The following RBM26 variants were observed in gnomAD, a reference collection of about 807,000 sequenced individuals.
RBM26 encodes RNA binding motif protein 26.
In RBM26, 30 loss-of-function variants were observed where a neutral mutation model predicts 123.6. The ratio of observed to expected loss-of-function variants is 0.24; its 90% CI spans 0.18 to 0.33. The LOEUF is 0.33. Among genes scored for constraint, RBM26 ranks in the 10% least tolerant of loss-of-function variants. RBM26 has a pLI of 1.00. For synonymous variants in RBM26, 400 were observed against 404.4 expected, an observed-to-expected ratio of 0.99 and a Z score of 0.13; for missense variants, 947 against 1,203.6, an observed-to-expected ratio of 0.79 and a Z score of 3.15.
intron 9 of RBM26, among the ~76,000 whole-genome samples, chr13:79,360,793 T>C (rs1286079519): frequency 6.6e-6 from 1 of 152,188 alleles, no homozygotes; most frequent in Non-Finnish European, 1.5e-5. Flanking sequence ...TTTACTTACA[T>C]GGCATGTAAT....
At chr13:79,328,683 T>TGA (rs774284573) in intron 20 of RBM26, among the ~76,000 whole-genome samples, 1 of 38,480 alleles carries the variant, frequency 2.6e-5, no homozygotes, top group Non-Finnish European at 4.9e-5. Flanking sequence ...CTGCATTAAG[T>TGA]AAAAAAAAAA....
intron 1 of RBM26, among the ~76,000 whole-genome samples, chr13:79,382,056 A>T (rs2077107047): frequency 6.6e-6 from 1 of 152,146 alleles, no homozygotes; most frequent in African/African-American, 2.4e-5. Flanking sequence ...AATATGGACC[A>T]CAGAAATTTA....
chr13:79,342,559 G>T, intron 17 of RBM26, 105 bp downstream of exon 17: 2 of 903,250 alleles, frequency 2.2e-6, no homozygotes, highest in Non-Finnish European at 3.5e-6. Flanking sequence ...ACAATGGTCA[G>T]ATTTTGAACA....
At chr13:79,370,328 T>G (rs1242064159) in intron 5 of RBM26, among the ~76,000 whole-genome samples, 2 of 152,020 alleles carry the variant, frequency 1.3e-5, no homozygotes, top group African/African-American at 4.8e-5. Flanking sequence ...AAACAAAGAT[T>G]AAGAAAAAAA....
At chr13:79,341,316 A>C in intron 17 of RBM26, 89 bp from the exon 18 acceptor site, 1 of 719,142 alleles carries the variant, frequency 1.4e-6, no homozygotes, top group Non-Finnish European at 2.2e-6. Context: ...ACGCAGTCCC[A>C]TTTAATCCAT....
intron 21 of RBM26, among the ~76,000 whole-genome samples, chr13:79,320,992 T>C (rs1447854182): frequency 6.6e-6 from 1 of 151,288 alleles, no homozygotes; most frequent in Non-Finnish European, 1.5e-5. Flanking sequence ...TACGCCATCT[T>C]CTGTACCTTT....
chr13:79,335,174 AG>A (rs1180156996), intron 19 of RBM26, among the ~76,000 whole-genome samples: 1 of 152,098 alleles, frequency 6.6e-6, no homozygotes, highest in Non-Finnish European at 1.5e-5. Flanking sequence ...TAATCTCATT[AG>A]CTCCACACAT....
At chr13:79,344,621 A>C in intron 15 of RBM26, 48 bp downstream of exon 15, 6 of 1,541,252 alleles carry the variant, frequency 3.9e-6, no homozygotes, top group Non-Finnish European at 5.3e-6. Context: ...ACACAAGGAA[A>C]GCTTTCCTAT....
intron 1 of RBM26, among the ~76,000 whole-genome samples, chr13:79,383,359 T>A (rs543069334): frequency 1.3e-5 from 2 of 152,320 alleles, no homozygotes; most frequent in African/African-American, 2.4e-5. Flanking sequence ...AAGCATTTTT[T>A]AAAAATTACA....
At chr13:79,356,647 A>AT (rs1360656931) in intron 11 of RBM26, among the ~76,000 whole-genome samples, 1 of 152,144 alleles carries the variant, frequency 6.6e-6, no homozygotes, top group African/African-American at 2.4e-5. Flanking sequence ...ATAATTATAC[A>AT]TTTTTTAAGA....
chr13:79,380,940 C>T lies in RBM26; in HGVS notation c.72-2033G>A, dbSNP rs576999046. Among the ~76,000 whole-genome samples, 14 of 152,130 alleles carry T rather than the reference C, an allele frequency of 9.2e-5. No individual in the cohort carries two copies. The East Asian group carries it at 2.7e-3, about 29-fold the overall frequency. ...GGACGGGAAATTTTTGATGTCTGAA[C>T]TATTTTCATCCAATTCAAAAGAATG... is the stretch of plus-strand genomic sequence containing the variant. On this transcript the variant is annotated intron_variant, in intron 1 of 21. Transcript: ENST00000438737.
chr13:79,397,107 G>A (rs2078636342), intron 1 of RBM26, among the ~76,000 whole-genome samples: 1 of 152,190 alleles, frequency 6.6e-6, no homozygotes, highest in East Asian at 1.9e-4. Flanking sequence ...TTTGAACCTG[G>A]GAGGTGGAGG....
At chr13:79,313,232 C>T (rs1006741042) in exon 5 of RBM26, 1 of 151,744 alleles carries the variant, frequency 6.6e-6, no homozygotes. Context: ...CTAATCAACA[C>T]GGGGATTTTA....
rs2076049695 is a variant in RBM26, at chr13:79,372,791, A to T, written c.328-861T>A. Among the ~76,000 whole-genome samples the T allele has an allele frequency of 7.7e-4, 2 of 2,594 alleles. 1 individual carries two copies. Among genetic ancestry groups the T allele is most frequent in the Admixed American group, 0.018 (2 of 110 alleles). 1.7% of individuals were successfully genotyped at this position (2,594 alleles called of 152,430 possible). The stretch of plus-strand genomic sequence containing the variant: ...TATATTATATATAATTATATGATAT[A>T]TATTATAATTATATGATATATATTT... On this transcript the variant is annotated intron_variant, in intron 3 of 21. Transcript: ENST00000438737.
At chr13:79,404,722 A>G (rs755362467) in intron 1 of RBM26, among the ~76,000 whole-genome samples, 15 of 152,144 alleles carry the variant, frequency 9.9e-5, no homozygotes, top group Non-Finnish European at 2.2e-4. Flanking sequence ...TGTTACTCCA[A>G]TGTCACCTTC....
intron 1 of RBM26, among the ~76,000 whole-genome samples, chr13:79,391,380 A>G (rs369766873): frequency 2.4e-4 from 37 of 152,212 alleles, no homozygotes; most frequent in African/African-American, 8.7e-4. Flanking sequence ...TCCAAACCCC[A>G]TGAAATAAAG....
chr13:79,371,531 A>G (rs1012225652), intron 4 of RBM26, among the ~76,000 whole-genome samples: 4 of 152,084 alleles, frequency 2.6e-5, no homozygotes, highest in Non-Finnish European at 4.4e-5. Flanking sequence ...AATGAGAAAA[A>G]CAATTTAATC....
chr13:79,331,417 G>A (rs953061989), intron 20 of RBM26, among the ~76,000 whole-genome samples: 52 of 148,114 alleles, frequency 3.5e-4, no homozygotes, highest in Admixed American at 8.3e-4. Context: ...TCAGGAGATC[G>A]AGACCATCCT....
chr13:79,364,183 G>A (rs2075020660), intron 9 of RBM26, among the ~76,000 whole-genome samples: 1 of 152,118 alleles, frequency 6.6e-6, no homozygotes, highest in South Asian at 2.1e-4. Flanking sequence ...GAGAATTTAA[G>A]AGGAATGGGT....
Sources: gnomAD v4.1 joint callset for allele counts (sites outside exome capture counted in the v4.1 genomes callset) on GRCh38, gnomAD v4.1.1 for gene constraint, MANE v1.5 for transcripts, NCBI Gene and HGNC (gene_info 2026-07-23, HGNC 2026-07-21) for gene names.